Variants in OSBPL9 observed in about 807,000 individuals in gnomAD.
OSBPL9 encodes the protein oxysterol binding protein like 9, also known as oxysterol-binding protein-related protein 9.
OSBPL9 carries 40 observed loss-of-function variants against 106.6 expected under a neutral mutation model. The ratio of observed to expected loss-of-function variants is 0.38; its 90% CI spans 0.29 to 0.49. The LOEUF (loss-of-function observed/expected upper bound fraction) is 0.49, where lower values mean the gene tolerates loss of function less well. OSBPL9 is among the 20% of genes least tolerant of loss of function. The probability of loss-of-function intolerance (pLI) is 0.97; values close to 1 mark genes in which losing one functional copy is unlikely to be tolerated. For synonymous variants in OSBPL9, 269 were observed against 295.4 expected (o/e 0.91, Z 0.92); for missense variants, 609 against 887.2 (o/e 0.69, Z 3.98).
chr1:51,644,775 G>T (rs986147159), intron 1 of OSBPL9, among the ~76,000 whole-genome samples: 2 of 152,122 alleles, frequency 1.3e-5, no homozygotes, highest in Non-Finnish European at 2.9e-5. Context: ...CTGGGACTTT[G>T]CCCGCAGATT....
At chr1:51,564,046 T>A in the OSBPL9 span, among the ~76,000 whole-genome samples, 13 of 1,508 alleles carry the variant, frequency 8.6e-3, no homozygotes, top group South Asian at 0.11. Flanking sequence ...CAGAGCGAGA[T>A]CATCTCAAAA....
At chr1:51,562,955 TC>T in the OSBPL9 span, among the ~76,000 whole-genome samples, 1 of 152,210 alleles carries the variant, frequency 6.6e-6, no homozygotes, top group East Asian at 1.9e-4. Context: ...ACTCCTGTAA[TC>T]CTAGCACTTT....
chr1:51,592,183 C>T (rs904365684), intron 1 of OSBPL9, among the ~76,000 whole-genome samples: 6 of 137,738 alleles, frequency 4.4e-5, no homozygotes, highest in Non-Finnish European at 6.1e-5. Context: ...GGCGCAATCT[C>T]GGCTCACTGC....
chr1:51,707,929 G>T, intron 3 of OSBPL9: 1 of 253,642 alleles, frequency 3.9e-6, no homozygotes, highest in South Asian at 6.3e-5. Flanking sequence ...GATGGTGATG[G>T]GATTTCCCTT....
intron 1 of OSBPL9, among the ~76,000 whole-genome samples, chr1:51,630,239 T>C (rs1645026402): frequency 6.6e-6 from 1 of 152,084 alleles, no homozygotes; most frequent in Admixed American, 6.6e-5. Flanking sequence ...TTTGGTAAGA[T>C]GCTTTTTTGG....
At chr1:51,728,606 G>A (rs1190963286) in intron 4 of OSBPL9, among the ~76,000 whole-genome samples, 3 of 152,168 alleles carry the variant, frequency 2.0e-5, no homozygotes, top group Admixed American at 1.3e-4. Flanking sequence ...AGTGCATCTG[G>A]TGTTGGGCAT....
intron 1 of OSBPL9, among the ~76,000 whole-genome samples, chr1:51,629,158 C>T (rs1463720531): frequency 6.6e-6 from 1 of 152,122 alleles, no homozygotes; most frequent in African/African-American, 2.4e-5. Flanking sequence ...CTATAACAAA[C>T]CATCTAAAGT....
chr1:51,675,165 C>G (rs1038392681), intron 3 of OSBPL9, among the ~76,000 whole-genome samples: 4 of 152,070 alleles, frequency 2.6e-5, no homozygotes, highest in African/African-American at 9.7e-5. Flanking sequence ...TCTCTCAGAA[C>G]AGATTCCAGT....
intron 1 of OSBPL9, among the ~76,000 whole-genome samples, chr1:51,581,696 C>T (rs556603638): frequency 6.6e-6 from 1 of 152,326 alleles, no homozygotes; most frequent in South Asian, 2.1e-4. Context: ...CACCCTGTCA[C>T]CCAGGCTGGA....
At chr1:51,640,145 A>G (rs1645697820) in intron 1 of OSBPL9, among the ~76,000 whole-genome samples, 1 of 152,142 alleles carries the variant, frequency 6.6e-6, no homozygotes, top group African/African-American at 2.4e-5. Context: ...TTTGCTTTAT[A>G]AAAGGATTGT....
intron 1 of OSBPL9, among the ~76,000 whole-genome samples, chr1:51,638,751 A>G (rs1645603501): frequency 1.3e-5 from 2 of 152,016 alleles, no homozygotes; most frequent in South Asian, 4.2e-4. Context: ...GTGCCCCTGT[A>G]GTGAGCTATG....
upstream of OSBPL9, among the ~76,000 whole-genome samples, chr1:51,574,520 G>A (rs576234824): frequency 6.6e-6 from 1 of 152,338 alleles, no homozygotes; most frequent in South Asian, 2.1e-4. Flanking sequence ...TCAGGAGGCT[G>A]AGGCAGAAGA....
At chr1:51,642,094 C>T (rs990171259) in intron 1 of OSBPL9, among the ~76,000 whole-genome samples, 1 of 152,062 alleles carries the variant, frequency 6.6e-6, no homozygotes, top group Non-Finnish European at 1.5e-5. Context: ...TTTAATTTGT[C>T]TTTGGGCAGC....
chr1:51,525,639 A>C, the OSBPL9 span, among the ~76,000 whole-genome samples: 2 of 152,188 alleles, frequency 1.3e-5, no homozygotes, highest in African/African-American at 4.8e-5. Flanking sequence ...CCTAATTTCC[A>C]GGTCTGACCA....
At chr1:51,654,228 A>G (rs745365436) in intron 2 of OSBPL9, among the ~76,000 whole-genome samples, 3 of 152,196 alleles carry the variant, frequency 2.0e-5, no homozygotes, top group Non-Finnish European at 2.9e-5. Flanking sequence ...CAGGAAGAAC[A>G]TAGTGTCTAG....
intron 2 of OSBPL9, among the ~76,000 whole-genome samples, chr1:51,609,082 A>G: frequency 6.6e-6 from 1 of 152,110 alleles, no homozygotes; most frequent in Non-Finnish European, 1.5e-5. Context: ...CCTAATTCAT[A>G]TAGAAATAGA....
At chr1:51,646,113 A>G (rs540688729) in intron 1 of OSBPL9, among the ~76,000 whole-genome samples, 69 of 152,116 alleles carry the variant, frequency 4.5e-4, no homozygotes, top group Non-Finnish European at 7.1e-4. Flanking sequence ...TTGCAAAACC[A>G]CTGAATTTTA....
At chr1:51,676,874 G>T (rs1445592359) in intron 3 of OSBPL9, among the ~76,000 whole-genome samples, 1 of 152,118 alleles carries the variant, frequency 6.6e-6, no homozygotes, top group East Asian at 1.9e-4. Context: ...AATATTAGTG[G>T]CGGTGTTGGT....
Position 51,745,622 on chromosome 1 carries a change from A to G in OSBPL9, c.405A>G (p.Glu135=). The G allele has an allele frequency of 6.3e-7, 1 of 1,587,048 alleles. No individual in the cohort carries two copies. Among genetic ancestry groups the G allele is most frequent in the Non-Finnish European group, 8.5e-7 (1 of 1,171,724 alleles). The part of the protein sequence containing the change: ...EADAYLQILI[E]QLKLFDDKLQ... ...ATGCTTACCTACAAATCTTGATTGA[A>G]CAATTAAAGGTATGGCATTAGTTTG... The change falls in exon 5 of 24, where the codon GAA becomes GAG. Residue 135 remains glutamate (E), a synonymous_variant. Coordinates refer to ENST00000428468, the MANE Select transcript of OSBPL9 (RefSeq NM_024586.6).
Sources: gnomAD v4.1 joint callset for allele counts (sites outside exome capture counted in the v4.1 genomes callset) on GRCh38, gnomAD v4.1.1 for gene constraint, MANE v1.5 for transcripts, NCBI Gene and HGNC (gene_info 2026-07-23, HGNC 2026-07-21) for gene names.